The following TBC1D10A variants were observed in gnomAD, a reference collection of about 807,000 sequenced individuals.
TBC1D10A encodes the protein EBP50-PDX interactor of 64 kDa.
TBC1D10A carries 24 observed loss-of-function variants against 52.9 expected under a neutral mutation model. That is an observed-to-expected ratio of 0.45 (90% CI 0.33 to 0.64). The LOEUF (loss-of-function observed/expected upper bound fraction) is 0.64. Ranked by LOEUF, TBC1D10A falls within the 30% of genes least tolerant of loss-of-function variation. TBC1D10A has a pLI of 0.02. For missense variants in TBC1D10A, 602 were observed against 687.9 expected, an observed-to-expected ratio of 0.88 and a Z score of 1.40; for synonymous variants, 278 against 282.9, an observed-to-expected ratio of 0.98 and a Z score of 0.17.
At chr22:30,299,855 G>A (rs1044797113) in intron 2 of TBC1D10A, 5 of 232,824 alleles carry the variant, frequency 2.1e-5, no homozygotes, top group Non-Finnish European at 4.3e-5. Context: ...TAATCCTAGC[G>A]ACTCGGGAGG....
chr22:30,326,658 C>T lies in TBC1D10A; in HGVS notation c.209+15G>A. On this transcript the variant is annotated intron_variant, in intron 1 of 8. Coordinates refer to ENST00000215790, the MANE Select transcript of TBC1D10A (RefSeq NM_031937.3). ...GTGGGTGGCGCGCTCAGTCCCGACC[C>T]CCGGCGCTACTCACGCGCCCTCGGC... 1 of 1,556,066 alleles carries T rather than the reference C, an allele frequency of 6.4e-7. No homozygotes were observed. Among genetic ancestry groups the T allele is most frequent in the Middle Eastern group, 1.7e-4 (1 of 5,900 alleles).
chr22:30,323,205 A>T (rs1453723519), intron 1 of TBC1D10A, among the ~76,000 whole-genome samples: 1 of 152,190 alleles, frequency 6.6e-6, no homozygotes, highest in Non-Finnish European at 1.5e-5. Context: ...ATGCCCTGCC[A>T]CTTTCAGCTT....
chr22:30,314,287 CAG>C (rs1930488941), intron 1 of TBC1D10A, among the ~76,000 whole-genome samples: 1 of 152,222 alleles, frequency 6.6e-6, no homozygotes, highest in Admixed American at 6.5e-5. Context: ...TCAGTGGACT[CAG>C]AGGCACAAGC....
At chr22:30,314,475 G>A (rs1930492064) in intron 1 of TBC1D10A, among the ~76,000 whole-genome samples, 1 of 152,150 alleles carries the variant, frequency 6.6e-6, no homozygotes, top group African/African-American at 2.4e-5. Context: ...CTGGGAGGAT[G>A]GAGGGGGTCA....
chr22:30,294,818 G>T lies in TBC1D10A; in HGVS notation c.683C>A (p.Pro228His). 1 of 1,614,140 alleles carries T rather than the reference G, an allele frequency of 6.2e-7. No individual in the cohort carries two copies. Among genetic ancestry groups the T allele is most frequent in the Non-Finnish European group, 8.5e-7 (1 of 1,180,032 alleles). Reference protein sequence around the residue: ...CLVQICEKYLPGYYSEKLEAI... With the variant: ...CLVQICEKYLHGYYSEKLEAI... ...CACCAGTTTCTCGCTGTAGTAGCCG[G>T]GCAGGTACTTCTCACAGATCTGTAC... Residue 228 changes from proline (P) to histidine (H), a missense_variant, in exon 6 of 9, where the codon CCC (proline) becomes CAC (histidine). Coordinates refer to ENST00000215790, the MANE Select transcript of TBC1D10A (RefSeq NM_031937.3).
At chr22:30,322,955 C>G (rs1465865067) in intron 1 of TBC1D10A, among the ~76,000 whole-genome samples, 2 of 147,370 alleles carry the variant, frequency 1.4e-5, no homozygotes, top group African/African-American at 5.1e-5. Context: ...GGGTGGAGCA[C>G]AGTGGCACCA....
intron 3 of TBC1D10A, chr22:30,299,050 C>A (rs567269935): frequency 1.1e-5 from 2 of 174,860 alleles, no homozygotes; most frequent in South Asian, 2.4e-4. Context: ...GTCAAGCCCC[C>A]ATAGGCCCAG....
chr22:30,326,593 A>G, intron 1 of TBC1D10A, 80 bp downstream of exon 1: 1 of 1,381,760 alleles, frequency 7.2e-7, no homozygotes, highest in Non-Finnish European at 9.7e-7. Flanking sequence ...ACGTGTCGGC[A>G]AGTCCCGAGG....
In TBC1D10A at chr22:30,292,076, C is replaced by G. The variant is rs993711811; in HGVS notation, c.*299G>C. The G allele has an allele frequency of 8.0e-6, 3 of 372,690 alleles. No individual in the cohort carries two copies. Among genetic ancestry groups the G allele is most frequent in the Admixed American group, 4.2e-5 (1 of 24,004 alleles). 23.1% of individuals were successfully genotyped at this position (372,690 alleles called of 1,614,324 possible). On this transcript the variant is annotated 3_prime_UTR_variant, in exon 9 of 9. Coordinates refer to ENST00000215790, the MANE Select transcript of TBC1D10A (RefSeq NM_031937.3). ...CCCACCCTTTCCCCTCACACCAGCA[C>G]CCTAACCCTGGGGAGCATCCCCCAG...
At position 30,294,123 on chromosome 22, in the gene TBC1D10A, C is replaced by T. The variant is rs1261086947; in HGVS notation, c.706-13G>A. 6.2e-7 allele frequency: 1 copy of T among 1,611,486 alleles called. No homozygotes were observed. Among genetic ancestry groups the T allele is most frequent in the South Asian group, 1.1e-5 (1 of 91,034 alleles). ...GCTGGATCGCCTCCTAGGGAGACAT[C>T]GAGGCCACGGGACCATGACCGTGGG... On this transcript the variant is annotated splice_polypyrimidine_tract_variant and intron_variant, in intron 6 of 8. Transcript: ENST00000215790.
intron 2 of TBC1D10A, among the ~76,000 whole-genome samples, chr22:30,301,340 T>C (rs1930197979): frequency 6.6e-6 from 1 of 152,144 alleles, no homozygotes; most frequent in Admixed American, 6.5e-5. Flanking sequence ...CAGCCTGACC[T>C]GGGATAAAGG....
rs73881431 is a variant in TBC1D10A at position 30,292,118 on chromosome 22, G to A, written c.*257C>T. On this transcript the variant is annotated 3_prime_UTR_variant, in exon 9 of 9. Coordinates refer to ENST00000215790, the MANE Select transcript of TBC1D10A (RefSeq NM_031937.3). ...ATCCCCCAGGAGGAGGGGGCTGAAG[G>A]AGGCCCCACCCCCCAGGCCCTAGCT... is the stretch of plus-strand genomic sequence containing the variant. 7,173 of 411,960 alleles carry A rather than the reference G, an allele frequency of 0.017. 478 individuals are homozygous for A. Among genetic ancestry groups the A allele is most frequent in the African/African-American group, 0.13 (6,510 of 48,720 alleles). 25.5% of individuals were successfully genotyped at this position (411,960 alleles called of 1,614,324 possible). A position where few individuals can be genotyped will look rare whatever the true frequency, so the allele number is the denominator to read the frequency against.
In TBC1D10A at chr22:30,293,698, G is replaced by C. The variant is rs750046438; in HGVS notation, c.1003C>G (p.Arg335Gly). ...QGQYETIERL[R>G]SLSPKIMQEA... ...TGCATGATCTTGGGGCTGAGGCTCCGCAGTCGCTCGATGGTCTCGTACTGG... is the reference window on the plus strand; with the variant it reads ...TGCATGATCTTGGGGCTGAGGCTCCCCAGTCGCTCGATGGTCTCGTACTGG... Residue 335 changes from arginine to glycine, a missense_variant, in exon 8 of 9, where the codon CGG (arginine) becomes GGG (glycine). Arg to Gly is a moderately radical substitution (Grantham distance 125, BLOSUM62 -2). Transcript: ENST00000215790. The C allele has an allele frequency of 6.2e-7, 1 of 1,612,496 alleles. No individual in the cohort carries two copies. The highest frequency in any genetic ancestry group is 8.5e-7 in the Non-Finnish European group (1 of 1,179,066).
At chr22:30,301,155 T>C (rs1414256739) in intron 2 of TBC1D10A, among the ~76,000 whole-genome samples, 4 of 152,164 alleles carry the variant, frequency 2.6e-5, no homozygotes, top group Non-Finnish European at 5.9e-5. Flanking sequence ...CCCCGTGTAC[T>C]TTCTACATCA....
chr22:30,316,205 G>A (rs1264662254), intron 1 of TBC1D10A, among the ~76,000 whole-genome samples: 2 of 152,194 alleles, frequency 1.3e-5, no homozygotes, highest in East Asian at 3.8e-4. Context: ...GAGAAGTCCA[G>A]CCTGGTATGG....
chr22:30,314,752 A>G (rs2145780470), intron 1 of TBC1D10A, among the ~76,000 whole-genome samples: 2 of 150,878 alleles, frequency 1.3e-5, no homozygotes, highest in Middle Eastern at 6.8e-3. Flanking sequence ...TCAAGGCTGC[A>G]GTGAGCCATA....
At chr22:30,295,892 T>C in intron 3 of TBC1D10A, 49 bp from the exon 4 acceptor site, 1 of 1,545,620 alleles carries the variant, frequency 6.5e-7, no homozygotes, top group Non-Finnish European at 8.8e-7. Flanking sequence ...GAGGTGGGCT[T>C]TGCTGACAGG....
Position 30,293,549 on chromosome 22 carries a change from A to G in TBC1D10A, c.1050+102T>C, listed in dbSNP as rs1358460154. The G allele has an allele frequency of 6.7e-6, 10 of 1,499,932 alleles. No homozygotes were observed. In the Admixed American group the frequency reaches 1.9e-4, roughly 29 times the overall value. 92.9% of individuals were successfully genotyped at this position (1,499,932 alleles called of 1,614,324 possible). A position where few individuals can be genotyped will look rare whatever the true frequency, so the allele number is the denominator to read the frequency against. On this transcript the variant is annotated intron_variant, in intron 8 of 8. Coordinates refer to ENST00000215790, the MANE Select transcript of TBC1D10A (RefSeq NM_031937.3). ...TGTGTTGCCTAGCAATGGTCCTGGC[A>G]TAGGATCCACCCTCAGGGGCTGAGG... is the stretch of plus-strand genomic sequence containing the variant.
At chr22:30,304,488 A>G (rs761427259) in intron 2 of TBC1D10A, 43 bp downstream of exon 2, 5 of 1,612,708 alleles carry the variant, frequency 3.1e-6, no homozygotes, top group East Asian at 4.5e-5. Flanking sequence ...CTCCTCCCCA[A>G]GCTGCCAACT....
Sources: allele counts gnomAD v4.1 joint callset (sites outside exome capture counted in the v4.1 genomes callset), GRCh38; gene constraint gnomAD v4.1.1; transcripts MANE v1.5; gene names NCBI Gene and HGNC (gene_info 2026-07-23, HGNC 2026-07-21).